The following LINGO2 variants were observed in gnomAD, a reference collection of about 807,000 sequenced individuals.
LINGO2 encodes the protein leucine rich repeat and Ig domain containing 2, also known as leucine-rich repeat and immunoglobulin-like domain-containing nogo receptor-interacting protein 2.
Under a neutral mutation model 30.6 loss-of-function variants are expected in LINGO2, and 14 were observed. The ratio of observed to expected loss-of-function variants is 0.46; its 90% CI spans 0.30 to 0.72. The LOEUF (loss-of-function observed/expected upper bound fraction) is 0.72, where lower values mean the gene tolerates loss of function less well. Among genes scored for constraint, LINGO2 ranks in the 30% least tolerant of loss-of-function variants. The pLI is 0.07. For missense variants in LINGO2, 729 were observed against 751.7 expected, an observed-to-expected ratio of 0.97 and a Z score of 0.35; for synonymous variants, 317 against 288.5, an observed-to-expected ratio of 1.10 and a Z score of -1.00.
chr9:28,114,867 C>A (rs373146477), intron 4 of LINGO2, among the ~76,000 whole-genome samples: 1 of 6,424 alleles, frequency 1.6e-4, no homozygotes, highest in Non-Finnish European at 3.5e-4. Context: ...AAACCAGCTC[C>A]TGGATTCATT....
chr9:29,013,438 T>A, the LINGO2 span, among the ~76,000 whole-genome samples: 1 of 152,044 alleles, frequency 6.6e-6, no homozygotes, highest in African/African-American at 2.4e-5. Context: ...GCTATAGCTA[T>A]AAAATGATCT....
chr9:28,708,957 GATA>G, the LINGO2 span, among the ~76,000 whole-genome samples: 1 of 151,974 alleles, frequency 6.6e-6, no homozygotes, highest in South Asian at 2.1e-4. Flanking sequence ...TTGTCAAATT[GATA>G]ATAATGACTA....
intron 3 of LINGO2, among the ~76,000 whole-genome samples, chr9:28,346,796 T>C (rs1453492804): frequency 1.8e-5 from 1 of 56,758 alleles, no homozygotes; most frequent in Non-Finnish European, 5.7e-5. Flanking sequence ...ATATTGAGTC[T>C]TTTTTTTTTC....
the LINGO2 span, among the ~76,000 whole-genome samples, chr9:28,821,427 C>G: frequency 4.7e-4 from 71 of 152,252 alleles, no homozygotes; most frequent in East Asian, 0.012. Flanking sequence ...ATGCTCACCC[C>G]AACAAAGGCA....
the LINGO2 span, among the ~76,000 whole-genome samples, chr9:28,954,862 G>C: frequency 1.3e-5 from 2 of 152,088 alleles, no homozygotes; most frequent in Non-Finnish European, 2.9e-5. Context: ...CATCACTCTC[G>C]TGAGTTAGAA....
At chr9:28,117,155 T>C (rs1826932515) in intron 4 of LINGO2, among the ~76,000 whole-genome samples, 1 of 150,058 alleles carries the variant, frequency 6.7e-6, no homozygotes, top group Non-Finnish European at 1.5e-5. Flanking sequence ...TGCAGGTCTG[T>C]TGGAATACTC....
chr9:28,286,311 A>G (rs1823506437), intron 4 of LINGO2, among the ~76,000 whole-genome samples: 1 of 152,208 alleles, frequency 6.6e-6, no homozygotes, highest in Non-Finnish European at 1.5e-5. Context: ...AAAAAATAAC[A>G]GATGCTGGCA....
chr9:28,750,140 A>G, the LINGO2 span, among the ~76,000 whole-genome samples: 3 of 152,236 alleles, frequency 2.0e-5, no homozygotes, highest in East Asian at 5.8e-4. Flanking sequence ...GGCTTCAAAG[A>G]GCAATATTTT....
intron 3 of LINGO2, among the ~76,000 whole-genome samples, chr9:28,362,081 T>G (rs1820468117): frequency 6.6e-6 from 1 of 152,258 alleles, no homozygotes; most frequent in South Asian, 2.1e-4. Context: ...TGGCTCTACC[T>G]TGATCTAGAG....
At chr9:28,447,029 A>G (rs1564204653) in intron 2 of LINGO2, among the ~76,000 whole-genome samples, 1 of 152,102 alleles carries the variant, frequency 6.6e-6, no homozygotes, top group Non-Finnish European at 1.5e-5. Flanking sequence ...CTCAGTGCCC[A>G]ACTGTCAATA....
the LINGO2 span, among the ~76,000 whole-genome samples, chr9:28,959,545 T>G: frequency 6.6e-6 from 1 of 150,394 alleles, no homozygotes; most frequent in Admixed American, 6.6e-5. Context: ...TTAAATTTAT[T>G]TATCACTCAT....
chr9:29,060,866 A>C, the LINGO2 span, among the ~76,000 whole-genome samples: 1 of 151,910 alleles, frequency 6.6e-6, no homozygotes. Context: ...AAATGATAGG[A>C]AAAAAAATTT....
chr9:28,431,099 T>A (rs2134950363), intron 2 of LINGO2, among the ~76,000 whole-genome samples: 1 of 149,476 alleles, frequency 6.7e-6, no homozygotes, highest in South Asian at 2.1e-4. Flanking sequence ...ACAGTCTTTC[T>A]TAATAACCTA....
At chr9:27,978,376 T>C (rs976047396) in intron 5 of LINGO2, among the ~76,000 whole-genome samples, 1 of 152,076 alleles carries the variant, frequency 6.6e-6, no homozygotes, top group Non-Finnish European at 1.5e-5. Context: ...CTGCAAAATT[T>C]ATATGTTAAA....
At chr9:28,279,501 C>G (rs952407662) in intron 4 of LINGO2, among the ~76,000 whole-genome samples, 1 of 152,152 alleles carries the variant, frequency 6.6e-6, no homozygotes, top group African/African-American at 2.4e-5. Context: ...CACATCAAGG[C>G]AAACCCCCCA....
At chr9:28,375,746 A>C (rs892065720) in intron 2 of LINGO2, among the ~76,000 whole-genome samples, 1 of 152,186 alleles carries the variant, frequency 6.6e-6, no homozygotes, top group Non-Finnish European at 1.5e-5. Context: ...ACCTAGCATC[A>C]CTTCCACAGT....
At chr9:29,049,227 T>C in the LINGO2 span, among the ~76,000 whole-genome samples, 1,600 of 152,316 alleles carry the variant, frequency 0.011, 31 homozygotes, top group Admixed American at 0.032. Flanking sequence ...GCTGACATCA[T>C]TGGTCATTAG....
intron 2 of LINGO2, among the ~76,000 whole-genome samples, chr9:28,420,586 T>C (rs1243729090): frequency 6.6e-6 from 1 of 152,054 alleles, no homozygotes; most frequent in Admixed American, 6.6e-5. Flanking sequence ...GGGGATTAAT[T>C]TACAGCTATT....
chr9:28,897,853 A>C, the LINGO2 span, among the ~76,000 whole-genome samples: 1 of 152,130 alleles, frequency 6.6e-6, no homozygotes, highest in Non-Finnish European at 1.5e-5. Flanking sequence ...TACTTTTTTA[A>C]AAGTTTCCCA....
Sources: allele counts gnomAD v4.1 joint callset (sites outside exome capture counted in the v4.1 genomes callset), GRCh38; gene constraint gnomAD v4.1.1; transcripts MANE v1.5; gene names NCBI Gene and HGNC (gene_info 2026-07-23, HGNC 2026-07-21).